SLC6A3: variants seen among roughly 807,000 people sequenced by gnomAD.
The protein encoded by SLC6A3 is sodium-dependent dopamine transporter.
Under a neutral mutation model 70.4 loss-of-function variants are expected in SLC6A3, and 19 were observed. The observed-to-expected ratio is 0.27, with a 90% confidence interval of 0.19 to 0.40. The LOEUF is 0.40. SLC6A3 is among the 10% of genes least tolerant of loss of function. SLC6A3 has a pLI of 1.00. For missense variants in SLC6A3, 613 were observed against 838.5 expected, an observed-to-expected ratio of 0.73 and a Z score of 3.32; for synonymous variants, 368 against 356.6, an observed-to-expected ratio of 1.03 and a Z score of -0.36.
At chr5:1,425,395 C>G (rs969886138) in intron 4 of SLC6A3, among the ~76,000 whole-genome samples, 3 of 152,200 alleles carry the variant, frequency 2.0e-5, no homozygotes, top group African/African-American at 7.2e-5. Context: ...ACGACAAGAG[C>G]TAAATACCCA....
rs2126369220 is a variant in SLC6A3 at position 1,421,105 on chromosome 5, A to G, written c.793-402T>C. Reference sequence around the variant, plus strand: ...GCGGGAGGCTCCCGTGGCTGGTGCCATACTACACGCACTTTTCCAAGGGAG... The same window carrying G: ...GCGGGAGGCTCCCGTGGCTGGTGCCGTACTACACGCACTTTTCCAAGGGAG... On this transcript the variant is annotated intron_variant, in intron 5 of 14. Transcript: ENST00000270349. This position sits in a 1 kb window ranked among gnomAD's most constrained non-coding sequence, Gnocchi z 7.2. Among the ~76,000 whole-genome samples the G allele has an allele frequency of 6.6e-6, 1 of 152,026 alleles. No individual in the cohort carries two copies. The highest frequency in any genetic ancestry group is 2.1e-4 in the South Asian group (1 of 4,814).
rs963113490 is a variant in SLC6A3, at chr5:1,408,667, G to A, written c.1498+359C>T. On this transcript the variant is annotated intron_variant, in intron 11 of 14. Coordinates refer to ENST00000270349, the MANE Select transcript of SLC6A3 (RefSeq NM_001044.5). This position sits in a 1 kb window ranked among gnomAD's most constrained non-coding sequence, Gnocchi z 6.4. The stretch of plus-strand genomic sequence containing the variant: ...TCTGGTCAGCAGGGAAGGCGATGAC[G>A]GCACCTTTGAAAGGCACCATGTCAC... Among the ~76,000 whole-genome samples, 6 of 152,186 alleles carry A rather than the reference G, an allele frequency of 3.9e-5. No individual in the cohort carries two copies. The highest frequency in any genetic ancestry group is 7.3e-5 in the Non-Finnish European group (5 of 68,034).
chr5:1,442,800 C>T lies in SLC6A3; in HGVS notation c.286+112G>A, dbSNP rs546434311. ...GGCCGTGAGCTCTCACAGGGAGCTC[C>T]GTCTTCACGCATGGGAACAGCTTCA... is the stretch of plus-strand genomic sequence containing the variant. On this transcript the variant is annotated intron_variant, in intron 2 of 14. Transcript: ENST00000270349. The surrounding 1 kb of genome is among the most constrained non-coding windows in gnomAD (Gnocchi z 5.0). 9.9e-6 allele frequency: 11 copies of T among 1,109,506 alleles called. No homozygotes were observed. The highest frequency in any genetic ancestry group is 2.3e-5 in the East Asian group (1 of 42,604). The allele number at this position is 1,109,506 out of a possible 1,614,324, so 68.7% of individuals were successfully genotyped here.
rs114190775 is a variant in SLC6A3, at chr5:1,407,602, G to A, written c.1499-1314C>T. Reference sequence around the variant, plus strand: ...TCTTTGGAAAAATAACACAGATCTCGGTCTTCTGAGGTGCAGGTCGCCAGG... The same window carrying A: ...TCTTTGGAAAAATAACACAGATCTCAGTCTTCTGAGGTGCAGGTCGCCAGG... On this transcript the variant is annotated intron_variant, in intron 11 of 14. Transcript: ENST00000270349. 8.6e-4 allele frequency among the ~76,000 whole-genome samples: 131 copies of A among 152,286 alleles called. 1 individual carries two copies. The highest frequency in any genetic ancestry group is 3.1e-3 in the African/African-American group (128 of 41,546).
chr5:1,427,098 C>T (rs1411378104), intron 4 of SLC6A3, among the ~76,000 whole-genome samples: 2 of 152,264 alleles, frequency 1.3e-5, no homozygotes, highest in Non-Finnish European at 2.9e-5. Context: ...CCCCAATCTA[C>T]ATACAGGACC....
chr5:1,425,943 T>C (rs1344952428), intron 4 of SLC6A3, among the ~76,000 whole-genome samples: 1 of 151,886 alleles, frequency 6.6e-6, no homozygotes, highest in Non-Finnish European at 1.5e-5. Flanking sequence ...ATTAAGGAAA[T>C]ACAAATCAAA....
chr5:1,414,987 T>C lies in SLC6A3; in HGVS notation c.1032-172A>G, dbSNP rs556426933. Among the ~76,000 whole-genome samples, 5 of 152,276 alleles carry C rather than the reference T, an allele frequency of 3.3e-5. No individual in the cohort carries two copies. In the South Asian group the frequency reaches 1.0e-3, roughly 32 times the overall value. On this transcript the variant is annotated intron_variant, in intron 7 of 14. Coordinates refer to ENST00000270349, the MANE Select transcript of SLC6A3 (RefSeq NM_001044.5). ...CTTAGCAGCCTGGCAGAGCTGTCCT[T>C]GGGCCACCTTGGTCCCCTAGCTGAG...
At chr5:1,440,840 C>T (rs572299628) in intron 3 of SLC6A3, among the ~76,000 whole-genome samples, 34 of 152,264 alleles carry the variant, frequency 2.2e-4, no homozygotes, top group African/African-American at 7.9e-4. Context: ...TTCCAGCCTC[C>T]AGAGCTGTGA....
chr5:1,432,387 G>A, intron 4 of SLC6A3, 77 bp downstream of exon 4: 1 of 1,078,406 alleles, frequency 9.3e-7, no homozygotes. Context: ...GCAAGGGCTG[G>A]TGTCCAACCA....
intron 7 of SLC6A3, 92 bp downstream of exon 7, chr5:1,416,006 C>T: frequency 1.0e-6 from 1 of 993,154 alleles, no homozygotes. Context: ...GTGGATCCGC[C>T]CTGTTCTCAT....
intron 14 of SLC6A3, among the ~76,000 whole-genome samples, chr5:1,399,799 G>T (rs1468981173): frequency 6.6e-6 from 1 of 152,218 alleles, no homozygotes; most frequent in Non-Finnish European, 1.5e-5. Context: ...AAGCTGTGCA[G>T]ATGTGTGCTC....
In SLC6A3 at chr5:1,409,013, C is replaced by T; in HGVS notation, c.1498+13G>A. The T allele has an allele frequency of 6.3e-7, 1 of 1,595,002 alleles. No homozygotes were observed. The highest frequency in any genetic ancestry group is 8.6e-7 in the Non-Finnish European group (1 of 1,164,000). On this transcript the variant is annotated intron_variant, in intron 11 of 14. Coordinates refer to ENST00000270349, the MANE Select transcript of SLC6A3 (RefSeq NM_001044.5). ...AAGAGGGTGCCGGCTTGGCTGCCTTCCCCCGGACTCACCATAGAACCAGGC... is the reference window on the plus strand; with the variant it reads ...AAGAGGGTGCCGGCTTGGCTGCCTTTCCCCGGACTCACCATAGAACCAGGC...
chr5:1,432,383 G>T, intron 4 of SLC6A3, 81 bp downstream of exon 4: 2 of 1,020,036 alleles, frequency 2.0e-6, no homozygotes, highest in Non-Finnish European at 3.0e-6. Flanking sequence ...GTCAGCAAGG[G>T]CTGGTGTCCA....
chr5:1,444,396 ACACACT>A (rs1387303677), intron 1 of SLC6A3, among the ~76,000 whole-genome samples: 2 of 151,402 alleles, frequency 1.3e-5, no homozygotes, highest in African/African-American at 4.9e-5. Flanking sequence ...AAACACACAT[ACACACT>A]CACACACACA....
Position 1,438,276 on chromosome 5 carries a change from C to T in SLC6A3, c.418+3083G>A, listed in dbSNP as rs1384012595. ...GCAGGGCCACGAGCCTTCCTTCCTG[C>T]GGCCACACTTTGCAGCCCTCCTCTG... On this transcript the variant is annotated intron_variant, in intron 3 of 14. Transcript: ENST00000270349. The surrounding 1 kb of genome is among the most constrained non-coding windows in gnomAD (Gnocchi z 6.5). Among the ~76,000 whole-genome samples the T allele has an allele frequency of 2.0e-5, 3 of 152,234 alleles. No homozygotes were observed. Among genetic ancestry groups the T allele is most frequent in the African/African-American group, 4.8e-5 (2 of 41,458 alleles).
In SLC6A3 at chr5:1,406,123, G is replaced by T; in HGVS notation, c.1599+65C>A. 8.2e-7 allele frequency: 1 copy of T among 1,213,370 alleles called. No homozygotes were observed. The highest frequency in any genetic ancestry group is 1.2e-6 in the Non-Finnish European group (1 of 815,372). 75.2% of individuals were successfully genotyped at this position (1,213,370 alleles called of 1,614,324 possible). Reference sequence around the variant, plus strand: ...ACCCACATGCGGGCGCTGGACCTCGGGGCAGGTGCCAGAGTGGGGGCAGTG... The same window carrying T: ...ACCCACATGCGGGCGCTGGACCTCGTGGCAGGTGCCAGAGTGGGGGCAGTG... On this transcript the variant is annotated intron_variant, in intron 12 of 14. Coordinates refer to ENST00000270349, the MANE Select transcript of SLC6A3 (RefSeq NM_001044.5). This position sits in a 1 kb window ranked among gnomAD's most constrained non-coding sequence, Gnocchi z 8.8.
At chr5:1,407,479 A>G (rs1173144137) in intron 11 of SLC6A3, among the ~76,000 whole-genome samples, 1 of 152,184 alleles carries the variant, frequency 6.6e-6, no homozygotes, top group East Asian at 1.9e-4. Flanking sequence ...CAGCTCCAAG[A>G]CCTACAGGAC....
At position 1,438,479 on chromosome 5, in the gene SLC6A3, TG is replaced by T. The variant is rs1409614347; in HGVS notation, c.418+2879del. On this transcript the variant is annotated intron_variant, in intron 3 of 14. Transcript: ENST00000270349. The surrounding 1 kb of genome is among the most constrained non-coding windows in gnomAD (Gnocchi z 6.5). The stretch of plus-strand genomic sequence containing the variant: ...AACGAGGTGCCACTGCTCACGCTGA[TG>T]GAAGTCAGAGGTTCTCTACTAGCCC... 1.3e-5 allele frequency among the ~76,000 whole-genome samples: 2 copies of T among 152,258 alleles called. No homozygotes were observed. Among genetic ancestry groups the T allele is most frequent in the African/African-American group, 2.4e-5 (1 of 41,472 alleles).
In SLC6A3 at chr5:1,442,568, G is replaced by A. The variant is rs1733701756; in HGVS notation, c.286+344C>T. Among the ~76,000 whole-genome samples, 1 of 152,206 alleles carries A rather than the reference G, an allele frequency of 6.6e-6. No homozygotes were observed. Among genetic ancestry groups the A allele is most frequent in the Non-Finnish European group, 1.5e-5 (1 of 68,042 alleles). On this transcript the variant is annotated intron_variant, in intron 2 of 14. Transcript: ENST00000270349. The surrounding 1 kb of genome is among the most constrained non-coding windows in gnomAD (Gnocchi z 5.0). ...AGGCTGCCAAAGTCAGCCGCAGGCT[G>A]TTCTTTGGACCTTTGAGAATTTTCT...
Sources: allele counts gnomAD v4.1 joint callset (sites outside exome capture counted in the v4.1 genomes callset), GRCh38; gene constraint gnomAD v4.1.1; non-coding constraint Gnocchi (gnomAD v3.1); transcripts MANE v1.5; gene names NCBI Gene and HGNC (gene_info 2026-07-23, HGNC 2026-07-21).